GRIK2: variants seen among roughly 807,000 people sequenced by gnomAD.
The protein encoded by GRIK2 is glutamate ionotropic receptor kainate type subunit 2.
In GRIK2, 32 loss-of-function variants were observed where a neutral mutation model predicts 100.3. The ratio of observed to expected loss-of-function variants is 0.32; its 90% confidence interval spans 0.24 to 0.43. GRIK2 has a LOEUF of 0.43. Ranked by LOEUF, GRIK2 falls within the 20% of genes least tolerant of loss-of-function variation. GRIK2 has a pLI of 1.00. For synonymous variants in GRIK2, 417 were observed against 389.4 expected (o/e 1.07, Z -0.83); for missense variants, 843 against 1,114.9 (o/e 0.76, Z 3.47).
intron 15 of GRIK2, among the ~76,000 whole-genome samples, chr6:102,041,605 A>G (rs140386724): frequency 6.6e-6 from 1 of 151,662 alleles, no homozygotes; most frequent in East Asian, 2.0e-4. Flanking sequence ...TTTCACCTGG[A>G]TGAAACCTGA....
intron 14 of GRIK2, among the ~76,000 whole-genome samples, chr6:101,973,934 C>A (rs1343560886): frequency 6.6e-6 from 1 of 151,892 alleles, no homozygotes; most frequent in Non-Finnish European, 1.5e-5. Context: ...TACAGTTTAG[C>A]CCAACTAATA....
intron 1 of GRIK2, among the ~76,000 whole-genome samples, chr6:101,396,287 G>A (rs1280464201): frequency 1.4e-5 from 2 of 147,488 alleles, no homozygotes; most frequent in Non-Finnish European, 1.5e-5. Context: ...GAAAGAACAA[G>A]AATTAATCTC....
chr6:101,626,668 G>A, intron 4 of GRIK2, 31 bp downstream of exon 4: 4 of 1,578,894 alleles, frequency 2.5e-6, no homozygotes, highest in Non-Finnish European at 3.5e-6. Context: ...TTGGAGCTAT[G>A]CTTTAAATAT....
At chr6:102,062,128 T>C (rs1455897402) in intron 16 of GRIK2, among the ~76,000 whole-genome samples, 2 of 150,300 alleles carry the variant, frequency 1.3e-5, no homozygotes, top group African/African-American at 2.4e-5. Context: ...ATGAGGATAT[T>C]GGGTAACTGT....
rs564248207 is a variant in GRIK2 at position 102,016,379 on chromosome 6, G to A, written c.2086-18962G>A. Reference sequence around the variant, plus strand: ...AAGTATTAACACCAGAATAGACCATGCTGAGGAAAGAATCTCAGAGCTTGA... The same window carrying A: ...AAGTATTAACACCAGAATAGACCATACTGAGGAAAGAATCTCAGAGCTTGA... On this transcript the variant is annotated intron_variant, in intron 14 of 16. Coordinates refer to ENST00000369134, the MANE Select transcript of GRIK2 (RefSeq NM_021956.5). 2.6e-5 allele frequency among the ~76,000 whole-genome samples: 4 copies of A among 152,164 alleles called. No individual in the cohort carries two copies. In the East Asian group the frequency reaches 7.7e-4, roughly 29 times the overall value.
intron 14 of GRIK2, among the ~76,000 whole-genome samples, chr6:102,012,933 T>C (rs1369925597): frequency 4.6e-5 from 7 of 152,166 alleles, no homozygotes; most frequent in Non-Finnish European, 1.0e-4. Flanking sequence ...TTTGGTTCCA[T>C]GTGAATTTTA....
intron 2 of GRIK2, among the ~76,000 whole-genome samples, chr6:101,432,923 C>CGG (rs1322408971): frequency 6.6e-6 from 1 of 152,072 alleles, no homozygotes; most frequent in African/African-American, 2.4e-5. Context: ...GAAGAAAGAT[C>CGG]TACCCCCTTT....
At chr6:101,483,208 G>T (rs1479013146) in intron 2 of GRIK2, among the ~76,000 whole-genome samples, 1 of 152,092 alleles carries the variant, frequency 6.6e-6, no homozygotes, top group Non-Finnish European at 1.5e-5. Context: ...AGCTTATAGT[G>T]GGGTATTCAA....
intron 4 of GRIK2, among the ~76,000 whole-genome samples, chr6:101,643,375 T>G (rs1781371503): frequency 6.6e-6 from 1 of 151,698 alleles, no homozygotes; most frequent in South Asian, 2.1e-4. Flanking sequence ...TTTTTTATGT[T>G]TTTTGAATTA....
chr6:101,934,007 T>TC (rs1790457541), intron 14 of GRIK2, among the ~76,000 whole-genome samples: 1 of 151,742 alleles, frequency 6.6e-6, no homozygotes, highest in African/African-American at 2.4e-5. Context: ...TCTCTCCCTT[T>TC]CTTTTTTTTT....
chr6:101,857,295 A>G (rs1582392654), intron 10 of GRIK2, among the ~76,000 whole-genome samples: 1 of 152,224 alleles, frequency 6.6e-6, no homozygotes, highest in African/African-American at 2.4e-5. Flanking sequence ...TCTAAAAATC[A>G]GGTGAAGATA....
intron 14 of GRIK2, among the ~76,000 whole-genome samples, chr6:102,030,275 T>C (rs1041056557): frequency 6.6e-6 from 1 of 151,314 alleles, no homozygotes; most frequent in Admixed American, 6.6e-5. Flanking sequence ...AAACCTCTCC[T>C]TTCTTTTGAA....
At chr6:101,903,033 G>C (rs1460982786) in intron 12 of GRIK2, among the ~76,000 whole-genome samples, 1 of 151,744 alleles carries the variant, frequency 6.6e-6, no homozygotes, top group Non-Finnish European at 1.5e-5. Flanking sequence ...TATCCTCATA[G>C]TTACAAGATA....
chr6:101,878,028 T>C (rs1394980241), intron 11 of GRIK2, among the ~76,000 whole-genome samples: 1 of 150,272 alleles, frequency 6.7e-6, no homozygotes, highest in Non-Finnish European at 1.5e-5. Flanking sequence ...ATAGTAATGA[T>C]TAAATGACCT....
At chr6:102,061,200 C>T (rs1281459983) in intron 16 of GRIK2, among the ~76,000 whole-genome samples, 2 of 150,396 alleles carry the variant, frequency 1.3e-5, no homozygotes, top group Admixed American at 1.3e-4. Flanking sequence ...CTCTTTGTAT[C>T]CCCACAAATA....
chr6:101,486,914 T>C (rs138039947), intron 2 of GRIK2, among the ~76,000 whole-genome samples: 6 of 147,030 alleles, frequency 4.1e-5, no homozygotes, highest in Non-Finnish European at 6.0e-5. Flanking sequence ...TACAAATATT[T>C]GGTTATAGCA....
intron 14 of GRIK2, among the ~76,000 whole-genome samples, chr6:101,975,275 T>A (rs9498780): frequency 0.016 from 2,477 of 152,044 alleles, 72 homozygotes; most frequent in African/African-American, 0.058. Flanking sequence ...TTAACTCAAG[T>A]AATCTAAATC....
At chr6:101,418,929 A>G (rs1282886350) in intron 2 of GRIK2, among the ~76,000 whole-genome samples, 1 of 152,182 alleles carries the variant, frequency 6.6e-6, no homozygotes, top group Non-Finnish European at 1.5e-5. Context: ...GAAAATCTTT[A>G]TCAGAATTTA....
chr6:101,988,818 A>G lies in GRIK2; in HGVS notation c.2086-46523A>G, dbSNP rs184476037. 3.6e-4 allele frequency among the ~76,000 whole-genome samples: 54 copies of G among 152,066 alleles called. No homozygotes were observed. The East Asian group carries it at 9.5e-3, about 27-fold the overall frequency. ...AAATCAAATAGTTAACTGCATAAAT[A>G]CTATAGATTTCAAGATTTATTTTTC... is the stretch of plus-strand genomic sequence containing the variant. On this transcript the variant is annotated intron_variant, in intron 14 of 16. Coordinates refer to ENST00000369134, the MANE Select transcript of GRIK2 (RefSeq NM_021956.5).
Sources: gnomAD v4.1 joint callset for allele counts (sites outside exome capture counted in the v4.1 genomes callset) on GRCh38, gnomAD v4.1.1 for gene constraint, MANE v1.5 for transcripts, NCBI Gene and HGNC (gene_info 2026-07-23, HGNC 2026-07-21) for gene names.